The following GLG1 variants were observed in gnomAD, a reference collection of about 807,000 sequenced individuals.
GLG1 encodes golgi glycoprotein 1, also known as Golgi apparatus protein 1.
In GLG1, 38 loss-of-function variants were observed where a neutral mutation model predicts 160.5. That is an observed-to-expected ratio of 0.24 (90% CI 0.18 to 0.31). The LOEUF is 0.31. Ranked by LOEUF, GLG1 falls within the 10% of genes least tolerant of loss-of-function variation. The pLI is 1.00. For missense variants in GLG1, 1,373 were observed against 1,505.2 expected (o/e 0.91, Z 1.45); for synonymous variants, 644 against 543.4 (o/e 1.19, Z -2.57).
chr16:74,472,886 C>A lies in GLG1; in HGVS notation c.2053-475G>T, dbSNP rs561357006. On this transcript the variant is annotated intron_variant, in intron 13 of 25. Transcript: ENST00000422840. ...TTTAAAGAGAGAAACCCGTGCAACA[C>A]TAGCTCCTGAAAAAACACCTTCCTT... 6 of 231,782 alleles carry A rather than the reference C, an allele frequency of 2.6e-5. No individual in the cohort carries two copies. In the East Asian group the frequency reaches 6.9e-4, roughly 27 times the overall value. 14.4% of individuals were successfully genotyped at this position (231,782 alleles called of 1,614,324 possible).
rs369145437 is a variant in GLG1, at chr16:74,456,788, GA to G, written c.3266-34del. 227 of 1,260,628 alleles carry G rather than the reference GA, an allele frequency of 1.8e-4. No homozygotes were observed. In the African/African-American group the frequency reaches 2.9e-3, roughly 16 times the overall value. The allele number at this position is 1,260,628 out of a possible 1,614,324, so 78.1% of individuals were successfully genotyped here. ...AGGAAATGAATAATAAGAAGAACCTGAAACTGTACAGAATAGAGAAATTTCT... is the reference window on the plus strand; with the variant it reads ...AGGAAATGAATAATAAGAAGAACCTGAACTGTACAGAATAGAGAAATTTCT... On this transcript the variant is annotated intron_variant, in intron 24 of 25. Coordinates refer to ENST00000422840, the MANE Select transcript of GLG1 (RefSeq NM_001145667.2).
At chr16:74,497,091 C>T (rs2016216799) in intron 4 of GLG1, among the ~76,000 whole-genome samples, 1 of 152,010 alleles carries the variant, frequency 6.6e-6, no homozygotes, top group Non-Finnish European at 1.5e-5. Context: ...CCAGCCTGGC[C>T]AACATGGTGA....
At chr16:74,530,573 TG>T (rs1236581631) in intron 2 of GLG1, among the ~76,000 whole-genome samples, 2 of 152,168 alleles carry the variant, frequency 1.3e-5, no homozygotes, top group African/African-American at 4.8e-5. Flanking sequence ...TGTAGTTTTT[TG>T]ATCTATGGGC....
intron 1 of GLG1, among the ~76,000 whole-genome samples, chr16:74,600,744 A>AC (rs535532139): frequency 0.017 from 2,587 of 150,908 alleles, 37 homozygotes; most frequent in Non-Finnish European, 0.027. Context: ...AAAAAAAAAA[A>AC]AAAAAAAAAA....
At chr16:74,605,194 C>G (rs1016702600) in intron 1 of GLG1, among the ~76,000 whole-genome samples, 18 of 151,972 alleles carry the variant, frequency 1.2e-4, no homozygotes, top group Admixed American at 3.9e-4. Flanking sequence ...CCCCCCAACC[C>G]CCCAAAACCC....
At chr16:74,519,694 A>T (rs2058903925) in intron 2 of GLG1, among the ~76,000 whole-genome samples, 1 of 152,202 alleles carries the variant, frequency 6.6e-6, no homozygotes, top group South Asian at 2.1e-4. Context: ...AATCAAAACA[A>T]GAAATTCCCT....
At chr16:74,511,478 C>T (rs2016801047) in intron 2 of GLG1, among the ~76,000 whole-genome samples, 1 of 151,356 alleles carries the variant, frequency 6.6e-6, no homozygotes. Context: ...ATGGGGAAAC[C>T]CGGTCTCTAC....
intron 1 of GLG1, among the ~76,000 whole-genome samples, chr16:74,574,149 G>C (rs2018920107): frequency 1.3e-5 from 2 of 152,272 alleles, no homozygotes; most frequent in South Asian, 2.1e-4. Flanking sequence ...AGAACACTAA[G>C]CTTCTCAGCC....
chr16:74,469,313 T>G, intron 16 of GLG1: 1 of 545,658 alleles, frequency 1.8e-6, no homozygotes, highest in Non-Finnish European at 3.3e-6. Context: ...ACAGGGCACA[T>G]GTGTGCAACG....
intron 1 of GLG1, among the ~76,000 whole-genome samples, chr16:74,545,562 G>A (rs1597332471): frequency 6.6e-6 from 1 of 152,172 alleles, no homozygotes. Context: ...TCAATCTAAT[G>A]TTTATACACA....
At position 74,453,207 on chromosome 16, in the gene GLG1, C is replaced by T; in HGVS notation, c.3500G>A (p.Arg1167Gln). 4 of 1,613,928 alleles carry T rather than the reference C, an allele frequency of 2.5e-6. No homozygotes were observed. Among genetic ancestry groups the T allele is most frequent in the East Asian group, 2.2e-5 (1 of 44,874 alleles). The change falls in exon 26 of 26, where the codon CGG becomes CAG. Residue 1167 changes from arginine to glutamine, a missense_variant. Physicochemically the swap from Arg to Gln is conservative, Grantham distance 43. Coordinates refer to ENST00000422840, the MANE Select transcript of GLG1 (RefSeq NM_001145667.2). The stretch of plus-strand genomic sequence containing the variant: ...CTCTCGTGTCACTCGCTTGGTGATC[C>T]GTCCACACATCAGGCCAATCAGGAA... ...ILFLIGLMCG[R>Q]ITKRVTRELK...
chr16:74,590,674 G>A (rs2143860403), intron 1 of GLG1, among the ~76,000 whole-genome samples: 1 of 147,186 alleles, frequency 6.8e-6, no homozygotes, highest in Non-Finnish European at 1.5e-5. Flanking sequence ...CCACATGCTT[G>A]TAATCCCAGC....
At chr16:74,471,910 A>T (rs199915957) in intron 14 of GLG1, among the ~76,000 whole-genome samples, 6 of 7,448 alleles carry the variant, frequency 8.1e-4, no homozygotes, top group African/African-American at 2.1e-3. Context: ...GATCTTGTTT[A>T]CTTTTTCTTT....
chr16:74,453,164 G>C lies in GLG1; in HGVS notation c.*3C>G. 3.1e-6 allele frequency: 5 copies of C among 1,613,568 alleles called. No homozygotes were observed. The highest frequency in any genetic ancestry group is 4.2e-6 in the Non-Finnish European group (5 of 1,179,670). ...GGTAGTTCCTTTGGTGGTCAAGGTG[G>C]CTCTACCTGTCCTTGAGCTCTCGTG... On this transcript the variant is annotated 3_prime_UTR_variant, in exon 26 of 26. Coordinates refer to ENST00000422840, the MANE Select transcript of GLG1 (RefSeq NM_001145667.2).
In GLG1 at chr16:74,477,684, A is replaced by T. The variant is rs1321564945; in HGVS notation, c.1828-151T>A. On this transcript the variant is annotated intron_variant, in intron 11 of 25. Transcript: ENST00000422840. ...CAAATATCTTCCAGAATAAAAATTA[A>T]ATGTTGCGGCCAGGTGCGGTGGCTC... is the stretch of plus-strand genomic sequence containing the variant. The T allele has an allele frequency of 6.2e-6, 4 of 646,608 alleles. No homozygotes were observed. In the Admixed American group the frequency reaches 9.0e-5, roughly 15 times the overall value. The allele number at this position is 646,608 out of a possible 1,614,324, so 40.1% of individuals were successfully genotyped here. A position where few individuals can be genotyped will look rare whatever the true frequency, so the allele number is the denominator to read the frequency against.
intron 1 of GLG1, among the ~76,000 whole-genome samples, chr16:74,588,111 G>A (rs1326999692): frequency 6.6e-6 from 1 of 151,816 alleles, no homozygotes; most frequent in Non-Finnish European, 1.5e-5. Flanking sequence ...GAGCGTTGGT[G>A]GGGGGATTAA....
chr16:74,511,440 T>C (rs1181769869), intron 2 of GLG1, among the ~76,000 whole-genome samples: 1 of 151,996 alleles, frequency 6.6e-6, no homozygotes, highest in African/African-American at 2.4e-5. Flanking sequence ...TAACCTGAGG[T>C]CAGGAGTTCA....
At chr16:74,580,942 C>T (rs1310580663) in intron 1 of GLG1, among the ~76,000 whole-genome samples, 1 of 152,134 alleles carries the variant, frequency 6.6e-6, no homozygotes, top group Non-Finnish European at 1.5e-5. Flanking sequence ...CGTTGCACTC[C>T]AGCCTGGGCA....
At chr16:74,490,903 A>C (rs2015957324) in intron 8 of GLG1, 98 bp downstream of exon 8, 3 of 794,054 alleles carry the variant, frequency 3.8e-6, no homozygotes, top group Non-Finnish European at 6.5e-6. Context: ...ATGTGATACC[A>C]CAGATGATCC....
Sources: gnomAD v4.1 joint callset for allele counts (sites outside exome capture counted in the v4.1 genomes callset) on GRCh38, gnomAD v4.1.1 for gene constraint, MANE v1.5 for transcripts, NCBI Gene and HGNC (gene_info 2026-07-23, HGNC 2026-07-21) for gene names.